Variants in RNF169 observed in about 807,000 individuals in gnomAD.
The protein encoded by RNF169 is E3 ubiquitin-protein ligase RNF169.
In RNF169, 24 loss-of-function variants were observed where a neutral mutation model predicts 53.9. That is an observed-to-expected ratio of 0.45 (90% CI 0.32 to 0.63). The LOEUF (loss-of-function observed/expected upper bound fraction) is 0.63. Ranked by LOEUF, RNF169 falls within the 20% of genes least tolerant of loss-of-function variation. The pLI is 0.04. For synonymous variants in RNF169, 396 were observed against 363.5 expected (o/e 1.09, Z -1.02); for missense variants, 883 against 906.2 (o/e 0.97, Z 0.33).
Position 74,835,852 on chromosome 11 carries a change from A to C in RNF169, c.1249A>C (p.Ser417Arg). 6.2e-7 allele frequency: 1 copy of C among 1,614,166 alleles called. No individual in the cohort carries two copies. The highest frequency in any genetic ancestry group is 8.5e-7 in the Non-Finnish European group (1 of 1,180,022). ...IKSTPRNLNR[S>R]LQKQTSYEAS... ...ATCAACTCCACGCAACCTAAACAGA[A>C]GCCTGCAGAAGCAGACTTCTTATGA... Residue 417 changes from serine to arginine, a missense_variant, in exon 6 of 6, where the codon AGC (serine) becomes CGC (arginine). By Grantham distance (110) the Ser-to-Arg change is moderately radical (BLOSUM62 -1). Around this residue, in one of 3 missense-constraint regions of RNF169, gnomAD observed 219 missense variants for 289.1 expected, o/e 0.76. Transcript: ENST00000299563.
intron 1 of RNF169, among the ~76,000 whole-genome samples, chr11:74,773,017 G>C (rs2035282530): frequency 6.6e-6 from 1 of 152,130 alleles, no homozygotes; most frequent in Non-Finnish European, 1.5e-5. Context: ...ATATATATTG[G>C]TTTAGGAATC....
chr11:74,756,876 C>A (rs1442123387), intron 1 of RNF169, among the ~76,000 whole-genome samples: 2 of 152,244 alleles, frequency 1.3e-5, no homozygotes, highest in East Asian at 3.9e-4. Flanking sequence ...TTAGAGAGAT[C>A]ACTCCCATGG....
At chr11:74,813,160 C>T (rs1267074979) in intron 3 of RNF169, among the ~76,000 whole-genome samples, 2 of 152,174 alleles carry the variant, frequency 1.3e-5, no homozygotes, top group African/African-American at 4.8e-5. Context: ...GTAACTTTTA[C>T]AAGAGTTCTG....
intron 4 of RNF169, among the ~76,000 whole-genome samples, chr11:74,833,575 C>G (rs1240552505): frequency 6.6e-6 from 1 of 152,112 alleles, no homozygotes; most frequent in African/African-American, 2.4e-5. Flanking sequence ...TGCCCTTTCA[C>G]TGTATTGTAT....
chr11:74,764,253 G>C (rs527573521), intron 1 of RNF169, among the ~76,000 whole-genome samples: 1 of 152,252 alleles, frequency 6.6e-6, no homozygotes, highest in Non-Finnish European at 1.5e-5. Context: ...GAGTAAGGGC[G>C]CTGGGTGCGG....
rs1407795265 is a variant in RNF169, at chr11:74,841,740, A to G, written c.*5010A>G. Reference sequence around the variant, plus strand: ...TGTTCATCTTCCTTTCCTGTCATTTAAGGTAAAACAGGCAATGAACTCGCT... The same window carrying G: ...TGTTCATCTTCCTTTCCTGTCATTTGAGGTAAAACAGGCAATGAACTCGCT... On this transcript the variant is annotated 3_prime_UTR_variant, in exon 6 of 6. Transcript: ENST00000299563. 6.6e-6 allele frequency: 1 copy of G among 152,198 alleles called. No individual in the cohort carries two copies. The highest frequency in any genetic ancestry group is 1.5e-5 in the Non-Finnish European group (1 of 68,032). 9.4% of individuals were successfully genotyped at this position (152,198 alleles called of 1,614,324 possible). A position where few individuals can be genotyped will look rare whatever the true frequency, so the allele number is the denominator to read the frequency against.
At chr11:74,804,403 A>T (rs539978950) in intron 2 of RNF169, among the ~76,000 whole-genome samples, 15 of 152,342 alleles carry the variant, frequency 9.8e-5, no homozygotes, top group Admixed American at 5.2e-4. Flanking sequence ...GAGAACGATA[A>T]ACTATGCAGT....
chr11:74,836,683 G>A lies in RNF169; in HGVS notation c.2080G>A (p.Val694Met), dbSNP rs1483854276. 6.2e-7 allele frequency: 1 copy of A among 1,613,312 alleles called. No homozygotes were observed. Among genetic ancestry groups the A allele is most frequent in the Non-Finnish European group, 8.5e-7 (1 of 1,180,036 alleles). Residue 694 changes from valine (V) to methionine (M), a missense_variant, in exon 6 of 6, where the codon GTG (valine) becomes ATG (methionine). Physicochemically the swap from Val to Met is conservative, Grantham distance 21. Around this residue, in one of 3 missense-constraint regions of RNF169, gnomAD observed 351 missense variants for 337.3 expected, o/e 1.04. Transcript: ENST00000299563. ...GACTGTGAGCCGGCGAAAAGGAAGT[G>A]TGGATCAGTATCTCCTACGGTCCAG... Reference protein sequence around the residue: ...RRTVSRRKGSVDQYLLRSSNM... With the variant: ...RRTVSRRKGSMDQYLLRSSNM...
intron 1 of RNF169, among the ~76,000 whole-genome samples, chr11:74,781,089 C>CT (rs1266217610): frequency 3.3e-5 from 5 of 152,236 alleles, no homozygotes; most frequent in Admixed American, 1.3e-4. Flanking sequence ...AAGGCAGACT[C>CT]TAACAGTTCT....
At chr11:74,813,663 T>G (rs1290079274) in intron 3 of RNF169, among the ~76,000 whole-genome samples, 1 of 152,226 alleles carries the variant, frequency 6.6e-6, no homozygotes, top group Non-Finnish European at 1.5e-5. Flanking sequence ...ATTGTTTTTC[T>G]TTTCAGAAAA....
chr11:74,785,256 TATATATGTTATATATATTAG>T (rs1184350031), intron 1 of RNF169, among the ~76,000 whole-genome samples: 11 of 142,186 alleles, frequency 7.7e-5, no homozygotes, highest in South Asian at 6.5e-4. Context: ...ATATGTTAGA[TATATATGTTATATATATTAG>T]ATATATATAT....
intron 1 of RNF169, among the ~76,000 whole-genome samples, chr11:74,763,060 A>G (rs1330620381): frequency 2.0e-5 from 3 of 152,236 alleles, no homozygotes; most frequent in Admixed American, 2.0e-4. Context: ...GGAGACGACA[A>G]GAAATCTTGT....
rs117477346 is a variant in RNF169 at position 74,768,564 on chromosome 11, G to A, written c.502+19182G>A. Among the ~76,000 whole-genome samples, 745 of 150,682 alleles carry A rather than the reference G, an allele frequency of 4.9e-3. 5 individuals carry two copies. The highest frequency in any genetic ancestry group is 9.1e-3 in the Admixed American group (138 of 15,130). ...GGTGGCTGTAGTGAGCTGAGATCAC[G>A]CCACTGCACTGCAGTCTGGGTGACA... On this transcript the variant is annotated intron_variant, in intron 1 of 5. Transcript: ENST00000299563.
At chr11:74,820,568 A>C (rs936780322) in intron 4 of RNF169, among the ~76,000 whole-genome samples, 2 of 151,776 alleles carry the variant, frequency 1.3e-5, no homozygotes, top group African/African-American at 2.4e-5. Context: ...GAAGATGATG[A>C]AGCAGTGAGT....
chr11:74,777,652 AT>A (rs35842788), intron 1 of RNF169, among the ~76,000 whole-genome samples: 51,254 of 146,646 alleles, frequency 0.35, 10,631 homozygotes, highest in African/African-American at 0.6. Context: ...GTTGTCTTAA[AT>A]TTTTTTTTTT....
intron 3 of RNF169, among the ~76,000 whole-genome samples, chr11:74,813,958 G>A (rs2035909065): frequency 6.6e-6 from 1 of 152,102 alleles, no homozygotes; most frequent in Non-Finnish European, 1.5e-5. Flanking sequence ...CCAAAGTGCT[G>A]GGATTACAGG....
At chr11:74,752,516 G>C (rs1208020546) in intron 1 of RNF169, among the ~76,000 whole-genome samples, 1 of 151,100 alleles carries the variant, frequency 6.6e-6, no homozygotes, top group East Asian at 1.9e-4. Flanking sequence ...AGACTCGCTT[G>C]AACCTGGGAG....
chr11:74,826,055 A>G (rs1047239951), intron 4 of RNF169, among the ~76,000 whole-genome samples: 6 of 152,138 alleles, frequency 3.9e-5, no homozygotes, highest in African/African-American at 1.4e-4. Context: ...GTCAGAAGCA[A>G]TGGCTCACAT....
chr11:74,778,510 T>C (rs1398107641), intron 1 of RNF169, among the ~76,000 whole-genome samples: 1 of 152,182 alleles, frequency 6.6e-6, no homozygotes, highest in African/African-American at 2.4e-5. Context: ...CCCCATCAGC[T>C]CCAGTGGGGA....
Sources: allele counts gnomAD v4.1 joint callset (sites outside exome capture counted in the v4.1 genomes callset), GRCh38; gene constraint gnomAD v4.1.1; regional missense constraint gnomAD v4.1.1; transcripts MANE v1.5; gene names NCBI Gene and HGNC (gene_info 2026-07-23, HGNC 2026-07-21).